The following CHN1 variants were observed in gnomAD, a reference collection of about 807,000 sequenced individuals.
The protein encoded by CHN1 is chimerin 1, also known as N-chimaerin.
Under a neutral mutation model 59.5 loss-of-function variants are expected in CHN1, and 37 were observed. The ratio of observed to expected loss-of-function variants is 0.62; its 90% confidence interval spans 0.48 to 0.82. The LOEUF is 0.82. Ranked by LOEUF, CHN1 falls within the 40% of genes least tolerant of loss-of-function variation. The pLI is 0.00. For synonymous variants in CHN1, 206 were observed against 200.4 expected, an observed-to-expected ratio of 1.03 and a Z score of -0.24; for missense variants, 469 against 571.0, an observed-to-expected ratio of 0.82 and a Z score of 1.82.
At chr2:174,917,601 T>C (rs991836208) in intron 4 of CHN1, among the ~76,000 whole-genome samples, 1 of 152,008 alleles carries the variant, frequency 6.6e-6, no homozygotes, top group African/African-American at 2.4e-5. Context: ...TATGATATGG[T>C]GTTACTTCCA....
chr2:174,870,153 T>C (rs1687359944), intron 6 of CHN1, among the ~76,000 whole-genome samples: 1 of 152,130 alleles, frequency 6.6e-6, no homozygotes, highest in Admixed American at 6.5e-5. Context: ...TGAAGGATAA[T>C]AAGGCTGATT....
intron 5 of CHN1, among the ~76,000 whole-genome samples, chr2:174,885,293 T>A (rs577067182): frequency 0.016 from 2,209 of 140,498 alleles, 15 homozygotes; most frequent in Middle Eastern, 0.041. Flanking sequence ...GAAAAAAAAA[T>A]ATATATATAT....
At chr2:174,858,978 C>CCACACACA (rs1686986624) in intron 6 of CHN1, among the ~76,000 whole-genome samples, 1 of 72,654 alleles carries the variant, frequency 1.4e-5, no homozygotes, top group Non-Finnish European at 2.8e-5. Context: ...ATTTCCTCCT[C>CCACACACA]TACACACACA....
At chr2:174,996,494 T>A (rs190967594) in intron 1 of CHN1, among the ~76,000 whole-genome samples, 1 of 152,294 alleles carries the variant, frequency 6.6e-6, no homozygotes, top group African/African-American at 2.4e-5. Context: ...ATAATCTCAT[T>A]TATTCCTGCA....
chr2:174,920,911 C>T (rs1279753669), intron 3 of CHN1: 3 of 422,188 alleles, frequency 7.1e-6, no homozygotes, highest in African/African-American at 2.0e-5. Flanking sequence ...CTAGACGGCC[C>T]CATCTGGGGG....
chr2:174,809,142 C>A (rs57776382), intron 10 of CHN1, 100 bp from the exon 11 acceptor site: 1 of 1,101,620 alleles, frequency 9.1e-7, no homozygotes, highest in Non-Finnish European at 1.3e-6. Flanking sequence ...TAAAGATTAG[C>A]AATTCTTCAG....
chr2:174,805,629 G>A (rs1316925026), intron 11 of CHN1, among the ~76,000 whole-genome samples: 1 of 152,208 alleles, frequency 6.6e-6, no homozygotes, highest in Non-Finnish European at 1.5e-5. Flanking sequence ...AGAGCAGATG[G>A]CATTAGAGGA....
intron 3 of CHN1, among the ~76,000 whole-genome samples, chr2:174,923,748 T>C (rs1689084257): frequency 6.6e-6 from 1 of 152,218 alleles, no homozygotes; most frequent in Non-Finnish European, 1.5e-5. Flanking sequence ...TCAATAGTCT[T>C]ACAGTAAGTC....
chr2:174,906,800 C>T (rs964462730), intron 5 of CHN1, among the ~76,000 whole-genome samples: 1 of 152,164 alleles, frequency 6.6e-6, no homozygotes, highest in Non-Finnish European at 1.5e-5. Flanking sequence ...GAAAAAGAAT[C>T]GGTGAGGCAA....
chr2:174,857,296 A>C (rs756552410), intron 6 of CHN1, among the ~76,000 whole-genome samples: 1 of 152,150 alleles, frequency 6.6e-6, no homozygotes, highest in Non-Finnish European at 1.5e-5. Context: ...CTGTGCTTGA[A>C]TTGGCATAAT....
chr2:174,830,536 G>A (rs758903826), intron 7 of CHN1, among the ~76,000 whole-genome samples: 8 of 152,138 alleles, frequency 5.3e-5, no homozygotes, highest in South Asian at 2.1e-4. Context: ...TAAGCACCAC[G>A]ATAATGTCAG....
At chr2:174,867,072 T>C (rs1687239578) in intron 6 of CHN1, among the ~76,000 whole-genome samples, 1 of 151,590 alleles carries the variant, frequency 6.6e-6, no homozygotes, top group South Asian at 2.1e-4. Context: ...TTTTTTTTTT[T>C]TTTTTAAAGA....
At chr2:174,840,651 G>A (rs531710060) in intron 7 of CHN1, among the ~76,000 whole-genome samples, 41 of 152,312 alleles carry the variant, frequency 2.7e-4, no homozygotes, top group Admixed American at 3.3e-4. Flanking sequence ...GAGCAAGGAG[G>A]AAACGGAGCT....
chr2:174,885,303 T>A (rs114860851), intron 5 of CHN1, among the ~76,000 whole-genome samples: 1 of 148,038 alleles, frequency 6.8e-6, no homozygotes, highest in Non-Finnish European at 1.5e-5. Context: ...TATATATATA[T>A]AGAGAGAGAG....
chr2:174,874,980 T>G (rs951049555), intron 6 of CHN1, among the ~76,000 whole-genome samples: 2 of 151,626 alleles, frequency 1.3e-5, no homozygotes, highest in Non-Finnish European at 2.9e-5. Flanking sequence ...TTCAGGTGAT[T>G]CTCCTGCCTC....
At chr2:174,861,892 G>A (rs1033639230) in intron 6 of CHN1, among the ~76,000 whole-genome samples, 7 of 152,098 alleles carry the variant, frequency 4.6e-5, no homozygotes, top group African/African-American at 1.7e-4. Context: ...AACTATTACT[G>A]GAGGAATAAT....
chr2:174,882,840 G>A (rs1687777370), intron 5 of CHN1, among the ~76,000 whole-genome samples: 1 of 152,102 alleles, frequency 6.6e-6, no homozygotes, highest in Non-Finnish European at 1.5e-5. Context: ...AAAATATGAT[G>A]ATGCATTCGA....
In CHN1 at chr2:174,815,600, T is replaced by C. The variant is rs1343021696; in HGVS notation, c.713-3118A>G. On this transcript the variant is annotated intron_variant, in intron 8 of 12. Transcript: ENST00000409900. ...TTTTCGGATATTTCCTTTTTTTTTT[T>C]TTTTCATTTGTTTCAAGAGTGTTCA... 2.0e-5 allele frequency among the ~76,000 whole-genome samples: 3 copies of C among 151,900 alleles called. No individual in the cohort carries two copies. The East Asian group carries it at 5.8e-4, about 29-fold the overall frequency.
chr2:174,852,751 G>A (rs879017415), intron 6 of CHN1, among the ~76,000 whole-genome samples: 1 of 152,132 alleles, frequency 6.6e-6, no homozygotes, highest in East Asian at 1.9e-4. Flanking sequence ...CAATGGAAGA[G>A]AGCAGAATAC....
Sources: gnomAD v4.1 joint callset for allele counts (sites outside exome capture counted in the v4.1 genomes callset) on GRCh38, gnomAD v4.1.1 for gene constraint, MANE v1.5 for transcripts, NCBI Gene and HGNC (gene_info 2026-07-23, HGNC 2026-07-21) for gene names.